Variants in ZMAT4 observed in about 807,000 individuals in gnomAD.
The protein encoded by ZMAT4 is zinc finger matrin-type 4.
In ZMAT4, 17 loss-of-function variants were observed where a neutral mutation model predicts 28.7. The ratio of observed to expected loss-of-function variants is 0.59; its 90% CI spans 0.41 to 0.89. The LOEUF is 0.89. Among genes scored for constraint, ZMAT4 ranks in the 40% least tolerant of loss-of-function variants. ZMAT4 has a pLI of 0.00. For synonymous variants in ZMAT4, 117 were observed against 109.2 expected (o/e 1.07, Z -0.44); for missense variants, 240 against 283.8 (o/e 0.85, Z 1.11).
chr8:40,612,902 T>A (rs1805852243), intron 5 of ZMAT4, among the ~76,000 whole-genome samples: 1 of 148,656 alleles, frequency 6.7e-6, no homozygotes, highest in East Asian at 2.2e-4. Flanking sequence ...AACCTCCGCC[T>A]GCCAGGTTCA....
At chr8:40,628,518 G>A (rs555136087) in intron 5 of ZMAT4, among the ~76,000 whole-genome samples, 1 of 152,202 alleles carries the variant, frequency 6.6e-6, no homozygotes, top group East Asian at 1.9e-4. Context: ...AGGAAGCCTC[G>A]GCCCTCCCAT....
At chr8:40,562,328 T>C (rs1463886619) in intron 6 of ZMAT4, among the ~76,000 whole-genome samples, 2 of 152,090 alleles carry the variant, frequency 1.3e-5, no homozygotes, top group Non-Finnish European at 2.9e-5. Context: ...AGAAATCCCA[T>C]CATCAATGAT....
chr8:40,556,771 T>C (rs908366259), intron 6 of ZMAT4, among the ~76,000 whole-genome samples: 9 of 152,198 alleles, frequency 5.9e-5, no homozygotes, highest in African/African-American at 1.9e-4. Context: ...AAATGTGTAA[T>C]GATCAGGTCA....
intron 2 of ZMAT4, among the ~76,000 whole-genome samples, chr8:40,798,766 G>A (rs2150584782): frequency 6.6e-6 from 1 of 152,296 alleles, no homozygotes; most frequent in South Asian, 2.1e-4. Context: ...TACTTCCTAA[G>A]GCTTCGACCT....
At chr8:40,542,839 G>A (rs1237474657) in intron 6 of ZMAT4, among the ~76,000 whole-genome samples, 1 of 152,192 alleles carries the variant, frequency 6.6e-6, no homozygotes. Flanking sequence ...GGCTGCATTG[G>A]AAATGTCACT....
At chr8:40,535,932 C>T (rs181352512) in intron 6 of ZMAT4, among the ~76,000 whole-genome samples, 5 of 152,054 alleles carry the variant, frequency 3.3e-5, no homozygotes, top group African/African-American at 1.2e-4. Context: ...CAGTCATGGG[C>T]CATGGTTTAC....
At chr8:40,641,297 T>C (rs1234010142) in intron 5 of ZMAT4, among the ~76,000 whole-genome samples, 1 of 152,212 alleles carries the variant, frequency 6.6e-6, no homozygotes, top group East Asian at 1.9e-4. Context: ...AGAAGATGGC[T>C]GAGGCTTTGA....
At chr8:40,803,339 C>T (rs899617882) in intron 2 of ZMAT4, among the ~76,000 whole-genome samples, 51 of 152,044 alleles carry the variant, frequency 3.4e-4, no homozygotes, top group African/African-American at 1.1e-3. Context: ...TGTCTTAATT[C>T]CCTACCCAAA....
chr8:40,671,475 C>A (rs996270347), intron 5 of ZMAT4, among the ~76,000 whole-genome samples: 6 of 152,024 alleles, frequency 3.9e-5, no homozygotes, highest in Non-Finnish European at 8.8e-5. Flanking sequence ...TAGAATACTA[C>A]TCAGTAATAA....
chr8:40,731,422 C>CAGAG (rs113359234), intron 3 of ZMAT4, among the ~76,000 whole-genome samples: 146,294 of 151,014 alleles, frequency 0.97, 70,974 homozygotes, highest in South Asian at 1. Context: ...AATGATCAGA[C>CAGAG]AGAGAGAGAG....
chr8:40,793,441 T>G (rs1263816215), intron 2 of ZMAT4, among the ~76,000 whole-genome samples: 2 of 147,918 alleles, frequency 1.4e-5, no homozygotes, highest in African/African-American at 4.8e-5. Context: ...AGAGCCACGC[T>G]CCATCGATTT....
At chr8:40,609,126 T>C (rs936882384) in intron 5 of ZMAT4, among the ~76,000 whole-genome samples, 1 of 152,216 alleles carries the variant, frequency 6.6e-6, no homozygotes, top group Non-Finnish European at 1.5e-5. Flanking sequence ...TAATTTTCAA[T>C]ACATTGCAGA....
chr8:40,689,797 ATTTTATTG>A (rs1283034619), intron 4 of ZMAT4, among the ~76,000 whole-genome samples: 3 of 152,076 alleles, frequency 2.0e-5, no homozygotes, highest in Non-Finnish European at 4.4e-5. Context: ...GAAATTGATT[ATTTTATTG>A]TTCTACTATT....
chr8:40,589,900 T>C (rs1471889854), intron 5 of ZMAT4, among the ~76,000 whole-genome samples: 2 of 134,082 alleles, frequency 1.5e-5, no homozygotes, highest in Non-Finnish European at 3.2e-5. Context: ...CCTTCCCTTC[T>C]CTTCCCTTCT....
At chr8:40,653,459 C>A (rs1206226446) in intron 5 of ZMAT4, among the ~76,000 whole-genome samples, 2 of 151,678 alleles carry the variant, frequency 1.3e-5, no homozygotes, top group African/African-American at 4.8e-5. Flanking sequence ...TGGAAGTCAA[C>A]AAAACTGAAA....
chr8:40,630,914 C>T (rs972900532), intron 5 of ZMAT4, among the ~76,000 whole-genome samples: 10 of 152,092 alleles, frequency 6.6e-5, no homozygotes, highest in Admixed American at 2.6e-4. Flanking sequence ...TATGTTTTAC[C>T]TAATGCATCC....
intron 5 of ZMAT4, among the ~76,000 whole-genome samples, chr8:40,605,815 G>C (rs1259595410): frequency 1.3e-5 from 2 of 152,104 alleles, no homozygotes; most frequent in African/African-American, 4.8e-5. Flanking sequence ...CTTAGATCTA[G>C]TAGTAATTGT....
At chr8:40,676,789 G>T (rs534507630) in intron 4 of ZMAT4, among the ~76,000 whole-genome samples, 2 of 152,084 alleles carry the variant, frequency 1.3e-5, no homozygotes, top group Non-Finnish European at 2.9e-5. Flanking sequence ...CCCCTTAAAA[G>T]ACTCATTGTG....
intron 3 of ZMAT4, among the ~76,000 whole-genome samples, chr8:40,756,366 T>A (rs1206870595): frequency 6.9e-6 from 1 of 144,348 alleles, no homozygotes; most frequent in Non-Finnish European, 1.5e-5. Flanking sequence ...GCAACACTTA[T>A]CAAAATTATA....
Sources: allele counts gnomAD v4.1 joint callset (sites outside exome capture counted in the v4.1 genomes callset), GRCh38; gene constraint gnomAD v4.1.1; transcripts MANE v1.5; gene names NCBI Gene and HGNC (gene_info 2026-07-23, HGNC 2026-07-21).